Variants in PCDHA10 observed in about 807,000 individuals in gnomAD.
PCDHA10 encodes the protein protocadherin alpha-10.
PCDHA10 carries 45 observed loss-of-function variants against 61.2 expected under a neutral mutation model. The ratio of observed to expected loss-of-function variants is 0.74; its 90% CI spans 0.58 to 0.94. The LOEUF (loss-of-function observed/expected upper bound fraction) is 0.94, where lower values mean the gene tolerates loss of function less well. Among genes scored for constraint, PCDHA10 ranks in the 40% least tolerant of loss-of-function variants. The pLI, the probability that PCDHA10 is intolerant of heterozygous loss-of-function variation, is 0.00. For synonymous variants in PCDHA10, 602 were observed against 548.8 expected (o/e 1.10, Z -1.35); for missense variants, 1,278 against 1,236.2 (o/e 1.03, Z -0.51).
intron 1 of PCDHA10, among the ~76,000 whole-genome samples, chr5:140,950,472 T>C (rs782525513): frequency 2.0e-5 from 3 of 152,084 alleles, no homozygotes; most frequent in East Asian, 1.9e-4. Context: ...TCATAGTTTC[T>C]GATGAGAAGT....
In PCDHA10 at chr5:140,856,006, T is replaced by C. The variant is rs782149074; in HGVS notation, c.-43T>C. ...AAAATGTCAGATCGTATGTGCGTTC[T>C]AGACCGCTGATTCGTCGATTTGTAA... is the stretch of plus-strand genomic sequence containing the variant. On this transcript the variant is annotated 5_prime_UTR_variant, in exon 1 of 4. Coordinates refer to ENST00000307360, the MANE Select transcript of PCDHA10 (RefSeq NM_018901.4). The C allele has an allele frequency of 9.1e-6, 14 of 1,540,444 alleles. No individual in the cohort carries two copies. The African/African-American group carries it at 1.4e-4, about 15-fold the overall frequency.
At chr5:140,925,526 CGAG>C (rs2082539432) in intron 1 of PCDHA10, among the ~76,000 whole-genome samples, 1 of 151,910 alleles carries the variant, frequency 6.6e-6, no homozygotes, top group South Asian at 2.1e-4. Flanking sequence ...AAATTAAAAG[CGAG>C]GAGAAATACC....
intron 1 of PCDHA10, among the ~76,000 whole-genome samples, chr5:140,914,261 T>G (rs1294037425): frequency 6.6e-6 from 1 of 152,202 alleles, no homozygotes; most frequent in Non-Finnish European, 1.5e-5. Context: ...GCTTCAATGG[T>G]GGGTGCATAT....
intron 1 of PCDHA10, among the ~76,000 whole-genome samples, chr5:140,974,994 A>G (rs901871984): frequency 6.6e-6 from 1 of 152,126 alleles, no homozygotes; most frequent in South Asian, 2.1e-4. Context: ...AGGTATTCTC[A>G]AGGCTGAAAT....
chr5:140,873,589 A>C (rs1562682260), intron 1 of PCDHA10, among the ~76,000 whole-genome samples: 1 of 152,272 alleles, frequency 6.6e-6, no homozygotes, highest in Non-Finnish European at 1.5e-5. Context: ...TATTAAGCTA[A>C]ACTTAGATGT....
At chr5:140,980,585 G>A (rs1181393743) in intron 2 of PCDHA10, among the ~76,000 whole-genome samples, 2 of 151,902 alleles carry the variant, frequency 1.3e-5, no homozygotes, top group African/African-American at 2.4e-5. Flanking sequence ...AGCCAAGATC[G>A]AGCCACTGCA....
intron 1 of PCDHA10, chr5:140,883,711 C>G: frequency 6.2e-7 from 1 of 1,613,576 alleles, no homozygotes; most frequent in Admixed American, 1.7e-5. Flanking sequence ...CTGCTCAGGA[C>G]GCGGACGCAC....
At chr5:140,908,179 C>T (rs1158845408) in intron 1 of PCDHA10, among the ~76,000 whole-genome samples, 1 of 152,194 alleles carries the variant, frequency 6.6e-6, no homozygotes, top group Non-Finnish European at 1.5e-5. Context: ...CAGCTGTCCA[C>T]TTTCAGGTGG....
At chr5:140,933,220 T>G (rs1179526168) in intron 1 of PCDHA10, among the ~76,000 whole-genome samples, 3 of 151,968 alleles carry the variant, frequency 2.0e-5, no homozygotes, top group African/African-American at 7.2e-5. Flanking sequence ...TCTGTTATAT[T>G]GCATTTATGA....
intron 3 of PCDHA10, among the ~76,000 whole-genome samples, chr5:140,983,637 T>G (rs1306208906): frequency 6.6e-6 from 1 of 152,232 alleles, no homozygotes; most frequent in Non-Finnish European, 1.5e-5. Context: ...TGTACCCAAG[T>G]TCACGTAGCT....
At chr5:140,876,740 T>G (rs782650836) in intron 1 of PCDHA10, 2 of 1,614,236 alleles carry the variant, frequency 1.2e-6, no homozygotes, top group East Asian at 4.5e-5. Context: ...GCCTATGAGC[T>G]GGTGGTGACT....
chr5:140,991,837 C>T (rs1379982421), intron 3 of PCDHA10, among the ~76,000 whole-genome samples: 3 of 152,158 alleles, frequency 2.0e-5, no homozygotes, highest in African/African-American at 7.2e-5. Context: ...ACGGCAGAAC[C>T]GCACTTCCAG....
At chr5:140,926,117 A>G (rs2082917656) in intron 1 of PCDHA10, among the ~76,000 whole-genome samples, 1 of 152,190 alleles carries the variant, frequency 6.6e-6, no homozygotes, top group Admixed American at 6.5e-5. Flanking sequence ...GGTGCAGGAC[A>G]GACTTCAACC....
At chr5:140,860,133 G>GTATATATATGTATATATGTGTA (rs2046204026) in intron 1 of PCDHA10, 2 of 149,192 alleles carry the variant, frequency 1.3e-5, no homozygotes, top group African/African-American at 2.5e-5. Context: ...GTGTGTGTGT[G>GTATATATATGTATATATGTGTA]TATATATATG....
At chr5:140,928,298 C>T in intron 1 of PCDHA10, 2 of 1,614,128 alleles carry the variant, frequency 1.2e-6, no homozygotes, top group South Asian at 1.1e-5. Context: ...CGAGTGTTTG[C>T]CCAGGACCCC....
rs553967078 is a variant in PCDHA10, at chr5:140,856,258, C to T, written c.210C>T (p.His70=). 103 of 1,598,068 alleles carry T rather than the reference C, an allele frequency of 6.4e-5. 11 individuals carry two copies. The highest frequency in any genetic ancestry group is 2.7e-4 in the Admixed American group (16 of 59,260). The change falls in exon 1 of 4, where the codon CAC becomes CAT. Residue 70 remains histidine, a synonymous_variant. Transcript: ENST00000307360. ...QRLFRVASKR[H]GDLLEVNLQN... Reference sequence around the variant, plus strand: ...TGTTCCGGGTGGCGTCCAAAAGACACGGGGACCTTCTGGAGGTAAATCTGC... The same window carrying T: ...TGTTCCGGGTGGCGTCCAAAAGACATGGGGACCTTCTGGAGGTAAATCTGC...
intron 3 of PCDHA10, among the ~76,000 whole-genome samples, chr5:140,992,421 A>C (rs1412648457): frequency 6.6e-6 from 1 of 152,164 alleles, no homozygotes; most frequent in African/African-American, 2.4e-5. Flanking sequence ...CAGGTCTAAG[A>C]ATATTGTTCC....
In PCDHA10 at chr5:140,922,291, T is replaced by A. The variant is rs951080588; in HGVS notation, c.2389-56658T>A. ...AGATTGGACCAAGATATGAAAATGC[T>A]AGGAGAGGATACCTTTCACTGAAGA... On this transcript the variant is annotated intron_variant, in intron 1 of 3. Coordinates refer to ENST00000307360, the MANE Select transcript of PCDHA10 (RefSeq NM_018901.4). Among the ~76,000 whole-genome samples, 38 of 152,228 alleles carry A rather than the reference T, an allele frequency of 2.5e-4. 1 individual carries two copies. The highest frequency in any genetic ancestry group is 1.5e-5 in the Non-Finnish European group (1 of 68,048).
intron 1 of PCDHA10, chr5:140,968,323 C>T (rs1554230616): frequency 1.2e-6 from 2 of 1,614,114 alleles, no homozygotes; most frequent in East Asian, 2.2e-5. Flanking sequence ...TGCCAGTCAC[C>T]TCCTATGTCT....
Sources: allele counts gnomAD v4.1 joint callset (sites outside exome capture counted in the v4.1 genomes callset), GRCh38; gene constraint gnomAD v4.1.1; transcripts MANE v1.5; gene names NCBI Gene and HGNC (gene_info 2026-07-23, HGNC 2026-07-21).